Variants in COL4A1 observed in about 807,000 individuals in gnomAD.
COL4A1 encodes the protein collagen alpha-1(IV) chain.
In COL4A1, 40 loss-of-function variants were observed where a neutral mutation model predicts 216.6. The ratio of observed to expected loss-of-function variants is 0.18; its 90% confidence interval spans 0.14 to 0.24. COL4A1 has a LOEUF of 0.24. COL4A1 is among the 10% of genes least tolerant of loss of function. The probability of loss-of-function intolerance (pLI) is 1.00; values close to 1 mark genes in which losing one functional copy is unlikely to be tolerated. For synonymous variants in COL4A1, 839 were observed against 810.7 expected, an observed-to-expected ratio of 1.03 and a Z score of -0.59; for missense variants, 1,628 against 2,196.8, an observed-to-expected ratio of 0.74 and a Z score of 5.18.
chr13:110,229,677 G>A (rs1192391310), intron 2 of COL4A1, among the ~76,000 whole-genome samples: 5 of 152,140 alleles, frequency 3.3e-5, no homozygotes, highest in Non-Finnish European at 5.9e-5. Flanking sequence ...GAGAGCCCCC[G>A]CCCTCGCGCT....
chr13:110,206,207 T>C (rs1475312972), intron 15 of COL4A1, among the ~76,000 whole-genome samples: 1 of 152,242 alleles, frequency 6.6e-6, no homozygotes, highest in Non-Finnish European at 1.5e-5. Flanking sequence ...GGTTTCTGCA[T>C]GCTCCTTCCA....
chr13:110,194,967 G>T, intron 22 of COL4A1, 56 bp downstream of exon 22: 1 of 1,521,706 alleles, frequency 6.6e-7, no homozygotes, highest in South Asian at 1.1e-5. Flanking sequence ...AAGTATGTGG[G>T]AAAAAATCAT....
At chr13:110,206,923 T>C (rs371097751) in intron 13 of COL4A1, 32 bp from the exon 14 acceptor site, 20 of 1,611,166 alleles carry the variant, frequency 1.2e-5, no homozygotes, top group Non-Finnish European at 1.6e-5. Flanking sequence ...ATCAGCACTA[T>C]CAAACAGCTG....
chr13:110,253,601 A>ATGTATTACATATACTTATAATTATATG (rs1882341101), intron 1 of COL4A1, among the ~76,000 whole-genome samples: 1 of 144,772 alleles, frequency 6.9e-6, no homozygotes, highest in African/African-American at 2.5e-5. Flanking sequence ...AATTATACGT[A>ATGTATTACATATACTTATAATTATATG]TGTATGTATT....
chr13:110,243,568 C>T (rs954313829), intron 1 of COL4A1, among the ~76,000 whole-genome samples: 1 of 152,214 alleles, frequency 6.6e-6, no homozygotes, highest in Non-Finnish European at 1.5e-5. Context: ...ATCCACCCGC[C>T]TCAGCCTCCC....
At chr13:110,214,101 ATAT>A in intron 2 of COL4A1, 86 bp from the exon 3 acceptor site, 1 of 1,103,094 alleles carries the variant, frequency 9.1e-7, no homozygotes, top group Non-Finnish European at 1.4e-6. Context: ...GGCTATATAT[ATAT>A]TTTTTTTGAG....
chr13:110,206,362 C>T (rs527237420), intron 15 of COL4A1, among the ~76,000 whole-genome samples: 1 of 152,342 alleles, frequency 6.6e-6, no homozygotes, highest in African/African-American at 2.4e-5. Context: ...GTCCAACCAA[C>T]CTGCTGCTCT....
chr13:110,160,908 C>T (rs984020698), intron 49 of COL4A1: 3 of 431,250 alleles, frequency 7.0e-6, no homozygotes, highest in African/African-American at 6.0e-5. Context: ...GAAGTCTCGT[C>T]ATCTTGCCCA....
chr13:110,290,257 C>T (rs78576981), intron 1 of COL4A1, among the ~76,000 whole-genome samples: 260 of 152,318 alleles, frequency 1.7e-3, no homozygotes, highest in African/African-American at 5.9e-3. Context: ...CACGTGAGCG[C>T]GTTGCAAGCT....
chr13:110,203,902 G>A (rs899696485), intron 17 of COL4A1, among the ~76,000 whole-genome samples: 6 of 152,096 alleles, frequency 3.9e-5, no homozygotes, highest in African/African-American at 7.2e-5. Flanking sequence ...ACACTTCCTC[G>A]GAAAACAGAA....
At chr13:110,179,210 G>C in intron 30 of COL4A1, 61 bp downstream of exon 30, 1 of 1,603,160 alleles carries the variant, frequency 6.2e-7, no homozygotes, top group Non-Finnish European at 8.5e-7. Context: ...GGGGCTCTGG[G>C]AATGCAAAAA....
In COL4A1 at chr13:110,247,820, TGTGTGTGTGTGTGTGG is replaced by T. The variant is rs1212023567; in HGVS notation, c.85-5102_85-5087del. On this transcript the variant is annotated intron_variant, in intron 1 of 51. Coordinates refer to ENST00000375820, the MANE Select transcript of COL4A1 (RefSeq NM_001845.6). ...GTGTGTGTGTGTGTGTGTGTGTGTG[TGTGTGTGTGTGTGTGG>T]CAGAGAGAGAGGGAGGGAGGGAGGG... 1.7e-4 allele frequency among the ~76,000 whole-genome samples: 20 copies of T among 120,992 alleles called. 1 individual carries two copies. Among genetic ancestry groups the T allele is most frequent in the Admixed American group, 4.6e-4 (5 of 10,940 alleles). The allele number at this position is 120,992 out of a possible 152,430, so 79.4% of individuals were successfully genotyped here. A position where few individuals can be genotyped will look rare whatever the true frequency, so the allele number is the denominator to read the frequency against.
chr13:110,302,232 G>C (rs1304184778), intron 1 of COL4A1, among the ~76,000 whole-genome samples: 1 of 152,148 alleles, frequency 6.6e-6, no homozygotes, highest in Non-Finnish European at 1.5e-5. Context: ...AAACATCAGA[G>C]GGCACCAGGA....
intron 50 of COL4A1, among the ~76,000 whole-genome samples, chr13:110,153,912 G>A (rs903865627): frequency 1.3e-5 from 2 of 152,126 alleles, no homozygotes; most frequent in Admixed American, 1.3e-4. Flanking sequence ...CTGGAAGGTG[G>A]AACAGAGACC....
chr13:110,203,678 C>T (rs1396754789), intron 17 of COL4A1, 71 bp from the exon 18 acceptor site: 3 of 1,531,600 alleles, frequency 2.0e-6, no homozygotes, highest in Admixed American at 3.3e-5. Context: ...GCAGATTAAA[C>T]ATTTCTTCTG....
chr13:110,290,285 C>T (rs901393144), intron 1 of COL4A1, among the ~76,000 whole-genome samples: 4 of 152,194 alleles, frequency 2.6e-5, no homozygotes, highest in African/African-American at 7.2e-5. Flanking sequence ...GCTCGGCAGG[C>T]GGCTTCTGGG....
chr13:110,174,125 G>T lies in COL4A1; in HGVS notation c.3407-127C>A. 4.6e-6 allele frequency: 5 copies of T among 1,084,222 alleles called. No homozygotes were observed. The South Asian group carries it at 6.7e-5, about 15-fold the overall frequency. 67.2% of individuals were successfully genotyped at this position (1,084,222 alleles called of 1,614,324 possible). ...CCTCCCAAGCACACCTGGTTTTCCT[G>T]AGGTCAGTTCTGACTTCCCTTCAGA... On this transcript the variant is annotated intron_variant, in intron 39 of 51. Coordinates refer to ENST00000375820, the MANE Select transcript of COL4A1 (RefSeq NM_001845.6).
chr13:110,209,909 T>C (rs1879697434), intron 10 of COL4A1, 71 bp downstream of exon 10: 5 of 1,526,242 alleles, frequency 3.3e-6, no homozygotes, highest in Non-Finnish European at 4.5e-6. Context: ...ACTAAATTAT[T>C]ATTTATTTTC....
At chr13:110,213,071 G>A (rs1269730419) in intron 4 of COL4A1, among the ~76,000 whole-genome samples, 1 of 152,138 alleles carries the variant, frequency 6.6e-6, no homozygotes, top group African/African-American at 2.4e-5. Context: ...AAGCTATGAG[G>A]ATGTAAAGGC....
Sources: gnomAD v4.1 joint callset for allele counts (sites outside exome capture counted in the v4.1 genomes callset) on GRCh38, gnomAD v4.1.1 for gene constraint, MANE v1.5 for transcripts, NCBI Gene and HGNC (gene_info 2026-07-23, HGNC 2026-07-21) for gene names.